Variants in IKZF3 observed in about 807,000 individuals in gnomAD.
IKZF3 encodes IKAROS family zinc finger 3.
A neutral mutation model predicts 49.0 loss-of-function variants in IKZF3; 10 were observed. The observed-to-expected ratio is 0.20, with a 90% CI of 0.13 to 0.35. The LOEUF (loss-of-function observed/expected upper bound fraction) is 0.35, where lower values mean the gene tolerates loss of function less well. IKZF3 is among the 10% of genes least tolerant of loss of function. IKZF3 has a pLI of 1.00. For missense variants in IKZF3, 498 were observed against 664.8 expected, an observed-to-expected ratio of 0.75 and a Z score of 2.76; for synonymous variants, 209 against 228.2, an observed-to-expected ratio of 0.92 and a Z score of 0.76.
At chr17:39,825,562 C>T (rs2061934371) in intron 3 of IKZF3, among the ~76,000 whole-genome samples, 1 of 152,076 alleles carries the variant, frequency 6.6e-6, no homozygotes, top group South Asian at 2.1e-4. Flanking sequence ...TGGTATCTGG[C>T]CCTGGGATGA....
intron 1 of IKZF3, among the ~76,000 whole-genome samples, chr17:39,838,275 G>A (rs1215289340): frequency 6.6e-6 from 1 of 151,834 alleles, no homozygotes; most frequent in African/African-American, 2.4e-5. Context: ...TTTTCCCACA[G>A]TTCCCTGAGA....
intron 3 of IKZF3, among the ~76,000 whole-genome samples, chr17:39,805,400 A>C (rs1598063621): frequency 6.6e-6 from 1 of 152,334 alleles, no homozygotes; most frequent in East Asian, 1.9e-4. Context: ...AACTCAAGGT[A>C]TAACAATCAG....
At chr17:39,782,009 C>T (rs762454692) in intron 6 of IKZF3, among the ~76,000 whole-genome samples, 4 of 152,156 alleles carry the variant, frequency 2.6e-5, no homozygotes, top group Non-Finnish European at 5.9e-5. Context: ...TTCACCCACA[C>T]CCTCTTTCTG....
chr17:39,803,820 C>A (rs1403889454), intron 3 of IKZF3, among the ~76,000 whole-genome samples: 1 of 152,052 alleles, frequency 6.6e-6, no homozygotes, highest in African/African-American at 2.4e-5. Context: ...GCCACTCTAT[C>A]TTTTTTAAAA....
intron 3 of IKZF3, among the ~76,000 whole-genome samples, chr17:39,801,241 A>C (rs1280505888): frequency 6.6e-6 from 1 of 152,140 alleles, no homozygotes; most frequent in Admixed American, 6.5e-5. Flanking sequence ...ACTGGATAAC[A>C]AAGAAGCTTA....
At chr17:39,835,995 T>C in intron 1 of IKZF3, 1 of 636,836 alleles carries the variant, frequency 1.6e-6, no homozygotes, top group Non-Finnish European at 2.9e-6. Flanking sequence ...CTTGGACATG[T>C]TGTCCATGCT....
intron 3 of IKZF3, among the ~76,000 whole-genome samples, chr17:39,803,744 C>T (rs972942650): frequency 6.6e-6 from 1 of 152,134 alleles, no homozygotes; most frequent in Non-Finnish European, 1.5e-5. Context: ...AACTCTGGAC[C>T]TCAGATGATC....
At chr17:39,779,623 A>C (rs111693443) in intron 6 of IKZF3, among the ~76,000 whole-genome samples, 3 of 149,012 alleles carry the variant, frequency 2.0e-5, no homozygotes, top group African/African-American at 7.4e-5. Flanking sequence ...CCAGACACAT[A>C]TAGTCTCTAT....
intron 1 of IKZF3, among the ~76,000 whole-genome samples, chr17:39,853,021 T>G (rs2062925872): frequency 6.6e-6 from 1 of 152,150 alleles, no homozygotes; most frequent in South Asian, 2.1e-4. Context: ...CAAAGCCACA[T>G]TCCTATCACT....
intron 6 of IKZF3, 152 bp from the exon 7 acceptor site, chr17:39,777,919 C>T: frequency 2.9e-6 from 4 of 1,366,334 alleles, no homozygotes; most frequent in Non-Finnish European, 3.8e-6. Context: ...CCTGGGGTAC[C>T]TGCTGTGGTC....
At chr17:39,786,795 AT>A (rs1368389976) in intron 6 of IKZF3, among the ~76,000 whole-genome samples, 1 of 151,938 alleles carries the variant, frequency 6.6e-6, no homozygotes, top group Non-Finnish European at 1.5e-5. Flanking sequence ...ATTTCTTTTT[AT>A]TTGGATAAGC....
At chr17:39,850,565 A>G (rs2062800182) in intron 1 of IKZF3, among the ~76,000 whole-genome samples, 1 of 118,558 alleles carries the variant, frequency 8.4e-6, no homozygotes. Flanking sequence ...ATACATGTAC[A>G]TATAGTATAT....
At chr17:39,845,631 T>C (rs1315512336) in intron 1 of IKZF3, among the ~76,000 whole-genome samples, 1 of 152,162 alleles carries the variant, frequency 6.6e-6, no homozygotes, top group African/African-American at 2.4e-5. Context: ...TAAGTAGTTG[T>C]GACAGAGACC....
Position 39,757,732 on chromosome 17 carries a change from G to T in IKZF3, c.*8058C>A, listed in dbSNP as rs1190033484. The T allele has an allele frequency of 6.6e-6, 1 of 152,146 alleles. No homozygotes were observed. Among genetic ancestry groups the T allele is most frequent in the Non-Finnish European group, 1.5e-5 (1 of 68,018 alleles). 9.4% of individuals were successfully genotyped at this position (152,146 alleles called of 1,614,324 possible). A position where few individuals can be genotyped will look rare whatever the true frequency, so the allele number is the denominator to read the frequency against. ...ACAAGGACTAATTTCAAACATACCAGGATTTTTTTATTTTTCAGTGTAAAA... is the reference window on the plus strand; with the variant it reads ...ACAAGGACTAATTTCAAACATACCATGATTTTTTTATTTTTCAGTGTAAAA... On this transcript the variant is annotated 3_prime_UTR_variant, in exon 8 of 8. Transcript: ENST00000346872.
At chr17:39,833,805 T>C (rs921550646) in intron 1 of IKZF3, among the ~76,000 whole-genome samples, 1 of 152,198 alleles carries the variant, frequency 6.6e-6, no homozygotes, top group Non-Finnish European at 1.5e-5. Context: ...GCACAGAGAG[T>C]TCCCATATAC....
intron 1 of IKZF3, among the ~76,000 whole-genome samples, chr17:39,844,574 T>A (rs1053113989): frequency 6.6e-5 from 10 of 152,182 alleles, no homozygotes; most frequent in Admixed American, 6.5e-4. Context: ...TTATTTTTCT[T>A]TATAAAATTT....
intron 1 of IKZF3, among the ~76,000 whole-genome samples, chr17:39,842,039 A>AAAAAAAAAAAAAAAAAAAAAAAG (rs2062484294): frequency 7.3e-6 from 1 of 136,106 alleles, no homozygotes; most frequent in Non-Finnish European, 1.6e-5. Flanking sequence ...ACAAAGCAAA[A>AAAAAAAAAAAAAAAAAAAAAAAG]AAAAAAAAAA....
chr17:39,853,882 C>A (rs964600212), intron 1 of IKZF3, among the ~76,000 whole-genome samples: 3 of 150,972 alleles, frequency 2.0e-5, no homozygotes, highest in Non-Finnish European at 4.4e-5. Context: ...GTAATCCCAG[C>A]ACTTTGGGAG....
intron 3 of IKZF3, among the ~76,000 whole-genome samples, chr17:39,807,771 G>T (rs2061466663): frequency 6.6e-6 from 1 of 151,898 alleles, no homozygotes; most frequent in Non-Finnish European, 1.5e-5. Context: ...CTAAGTAAAA[G>T]AAGCCAGAAA....
Sources: allele counts gnomAD v4.1 joint callset (sites outside exome capture counted in the v4.1 genomes callset), GRCh38; gene constraint gnomAD v4.1.1; transcripts MANE v1.5; gene names NCBI Gene and HGNC (gene_info 2026-07-23, HGNC 2026-07-21).